PTPRG: variants seen among roughly 807,000 people sequenced by gnomAD.
The protein encoded by PTPRG is protein tyrosine phosphatase receptor type G.
A neutral mutation model predicts 165.3 loss-of-function variants in PTPRG; 102 were observed. The observed-to-expected ratio is 0.62, with a 90% CI of 0.53 to 0.73. The LOEUF is 0.73. Among genes scored for constraint, PTPRG ranks in the 30% least tolerant of loss-of-function variants. The pLI, the probability that PTPRG is intolerant of heterozygous loss-of-function variation, is 0.00. For missense variants in PTPRG, 1,866 were observed against 1,861.4 expected (o/e 1.00, Z -0.05); for synonymous variants, 675 against 669.5 (o/e 1.01, Z -0.13).
rs933649167 is a variant in PTPRG, at chr3:62,154,062, A to G, written c.683-3005A>G. 4.6e-5 allele frequency among the ~76,000 whole-genome samples: 7 copies of G among 152,340 alleles called. No individual in the cohort carries two copies. The East Asian group carries it at 9.6e-4, about 21-fold the overall frequency. ...CCTGGTCTTCTATTTATCCAGCCCTAAAGTCAAAGAATTGGACTAAATCGA... is the reference window on the plus strand; with the variant it reads ...CCTGGTCTTCTATTTATCCAGCCCTGAAGTCAAAGAATTGGACTAAATCGA... On this transcript the variant is annotated intron_variant, in intron 6 of 29. Transcript: ENST00000474889.
At chr3:62,201,639 A>T in intron 11 of PTPRG, 85 bp downstream of exon 11, 1 of 1,373,028 alleles carries the variant, frequency 7.3e-7, no homozygotes, top group Non-Finnish European at 1.0e-6. Flanking sequence ...GTGGCAGTAT[A>T]ATGTTGTTAA....
intron 1 of PTPRG, among the ~76,000 whole-genome samples, chr3:61,643,119 A>G (rs1702108105): frequency 1.3e-5 from 2 of 152,224 alleles, no homozygotes; most frequent in Non-Finnish European, 2.9e-5. Flanking sequence ...AAATGATGGA[A>G]TGGAAAACCT....
intron 26 of PTPRG, among the ~76,000 whole-genome samples, chr3:62,279,642 G>A (rs1367419929): frequency 6.6e-6 from 1 of 152,020 alleles, no homozygotes; most frequent in Non-Finnish European, 1.5e-5. Flanking sequence ...ACCCACGACA[G>A]TTACAGACTT....
intron 4 of PTPRG, among the ~76,000 whole-genome samples, chr3:62,028,825 T>G (rs1343279408): frequency 2.0e-5 from 3 of 152,250 alleles, no homozygotes; most frequent in Non-Finnish European, 4.4e-5. Flanking sequence ...CTTGGACATT[T>G]CCTCCTTCTG....
chr3:62,021,276 T>G (rs1214273378), intron 4 of PTPRG, among the ~76,000 whole-genome samples: 1 of 152,216 alleles, frequency 6.6e-6, no homozygotes, highest in Non-Finnish European at 1.5e-5. Context: ...TGGTCTGTCT[T>G]ATAAACATCA....
At chr3:61,991,862 G>C (rs2040900074) in intron 3 of PTPRG, among the ~76,000 whole-genome samples, 1 of 152,132 alleles carries the variant, frequency 6.6e-6, no homozygotes, top group African/African-American at 2.4e-5. Context: ...TATCACCAAT[G>C]ACAGGTTTTA....
intron 2 of PTPRG, among the ~76,000 whole-genome samples, chr3:61,763,157 T>G (rs559744511): frequency 3.9e-5 from 6 of 152,112 alleles, no homozygotes; most frequent in Non-Finnish European, 7.3e-5. Flanking sequence ...TGCCTTAGAC[T>G]GATCAGGATC....
At chr3:61,611,853 A>G (rs1434371187) in intron 1 of PTPRG, among the ~76,000 whole-genome samples, 1 of 152,224 alleles carries the variant, frequency 6.6e-6, no homozygotes, top group Admixed American at 6.5e-5. Context: ...GACTTTTAAA[A>G]AACTATTTAA....
chr3:61,630,625 A>T (rs116943210), intron 1 of PTPRG, among the ~76,000 whole-genome samples: 2,422 of 152,266 alleles, frequency 0.016, 25 homozygotes, highest in Non-Finnish European at 0.027. Context: ...GCTGACATTC[A>T]TTGCAATGTG....
chr3:61,808,983 G>T (rs2035496693), intron 2 of PTPRG, among the ~76,000 whole-genome samples: 1 of 148,662 alleles, frequency 6.7e-6, no homozygotes, highest in Admixed American at 6.8e-5. Context: ...TTGCTATCTA[G>T]TAGGCTTGTG....
At chr3:61,904,705 T>C (rs2038596707) in intron 2 of PTPRG, among the ~76,000 whole-genome samples, 1 of 152,176 alleles carries the variant, frequency 6.6e-6, no homozygotes, top group African/African-American at 2.4e-5. Flanking sequence ...GTCCCCTAGG[T>C]GGCTTAACAA....
intron 2 of PTPRG, among the ~76,000 whole-genome samples, chr3:61,921,553 A>G (rs1323360393): frequency 6.6e-6 from 1 of 152,216 alleles, no homozygotes; most frequent in Non-Finnish European, 1.5e-5. Flanking sequence ...CATTCAAAAT[A>G]CAGTCACAAC....
At chr3:61,646,184 C>T (rs1482652514) in intron 1 of PTPRG, among the ~76,000 whole-genome samples, 2 of 152,144 alleles carry the variant, frequency 1.3e-5, no homozygotes, top group East Asian at 3.9e-4. Flanking sequence ...TGGCTCACTG[C>T]CACCTCCACC....
chr3:62,165,101 G>A (rs1704918042), intron 7 of PTPRG, among the ~76,000 whole-genome samples: 1 of 152,170 alleles, frequency 6.6e-6, no homozygotes, highest in Non-Finnish European at 1.5e-5. Flanking sequence ...GGTCTTCTCT[G>A]GACATGGAGA....
At chr3:61,616,992 A>G (rs1221692120) in intron 1 of PTPRG, among the ~76,000 whole-genome samples, 1 of 152,238 alleles carries the variant, frequency 6.6e-6, no homozygotes, top group Non-Finnish European at 1.5e-5. Flanking sequence ...GAAGATAGCA[A>G]AAGAGGACTG....
At chr3:61,771,703 T>A (rs887310279) in intron 2 of PTPRG, among the ~76,000 whole-genome samples, 1 of 152,182 alleles carries the variant, frequency 6.6e-6, no homozygotes, top group Non-Finnish European at 1.5e-5. Flanking sequence ...AATTTAAAAA[T>A]ATATCTCCTC....
intron 8 of PTPRG, among the ~76,000 whole-genome samples, chr3:62,168,641 G>C (rs745406875): frequency 6.6e-6 from 1 of 152,144 alleles, no homozygotes; most frequent in African/African-American, 2.4e-5. Context: ...TAAGGGAGGG[G>C]GAGCACACAG....
Position 62,255,387 on chromosome 3 carries a change from G to C in PTPRG, c.2559+172G>C, listed in dbSNP as rs1701515061. 6.6e-6 allele frequency among the ~76,000 whole-genome samples: 1 copy of C among 151,930 alleles called. No individual in the cohort carries two copies. The highest frequency in any genetic ancestry group is 2.1e-4 in the South Asian group (1 of 4,834). Reference sequence around the variant, plus strand: ...GGCATTCTTTTCCAAATAAAATTTAGGTGAAAGGGGAGTTGATTGTACCTG... The same window carrying C: ...GGCATTCTTTTCCAAATAAAATTTACGTGAAAGGGGAGTTGATTGTACCTG... On this transcript the variant is annotated intron_variant, in intron 16 of 29. Transcript: ENST00000474889. The surrounding 1 kb of genome is among the most constrained non-coding windows in gnomAD (Gnocchi z 4.0).
intron 2 of PTPRG, among the ~76,000 whole-genome samples, chr3:61,823,825 C>G (rs1304402977): frequency 1.3e-5 from 2 of 151,962 alleles, no homozygotes; most frequent in Non-Finnish European, 2.9e-5. Flanking sequence ...AATAAATATC[C>G]CTGTTATAAA....
Sources: gnomAD v4.1 joint callset for allele counts (sites outside exome capture counted in the v4.1 genomes callset) on GRCh38, gnomAD v4.1.1 for gene constraint, Gnocchi (gnomAD v3.1) non-coding constraint, MANE v1.5 for transcripts, NCBI Gene and HGNC (gene_info 2026-07-23, HGNC 2026-07-21) for gene names.